The following RNF19B variants were observed in gnomAD, a reference collection of about 807,000 sequenced individuals.
RNF19B encodes the protein E3 ubiquitin-protein ligase RNF19B.
Under a neutral mutation model 65.5 loss-of-function variants are expected in RNF19B, and 23 were observed. That is an observed-to-expected ratio of 0.35 (90% CI 0.25 to 0.50). The LOEUF (loss-of-function observed/expected upper bound fraction) is 0.50, where lower values mean the gene tolerates loss of function less well. Among genes scored for constraint, RNF19B ranks in the 20% least tolerant of loss-of-function variants. The pLI is 0.98. For synonymous variants in RNF19B, 372 were observed against 379.6 expected, an observed-to-expected ratio of 0.98 and a Z score of 0.23; for missense variants, 794 against 980.0, an observed-to-expected ratio of 0.81 and a Z score of 2.53.
intron 1 of RNF19B, among the ~76,000 whole-genome samples, chr1:32,950,070 AG>A (rs1458205386): frequency 6.6e-6 from 1 of 152,106 alleles, no homozygotes; most frequent in Non-Finnish European, 1.5e-5. Flanking sequence ...CCCAGGTTCA[AG>A]CAATTCTCCT....
At chr1:32,954,963 G>A (rs1255111376) in intron 1 of RNF19B, among the ~76,000 whole-genome samples, 1 of 151,942 alleles carries the variant, frequency 6.6e-6, no homozygotes, top group Non-Finnish European at 1.5e-5. Flanking sequence ...TTCTTGCCCT[G>A]ACAAGTACCC....
intron 1 of RNF19B, among the ~76,000 whole-genome samples, chr1:32,953,630 T>C (rs994899453): frequency 6.6e-6 from 1 of 152,066 alleles, no homozygotes; most frequent in Non-Finnish European, 1.5e-5. Flanking sequence ...ATGCAAATGA[T>C]TCATATCCTG....
At chr1:32,963,552 C>T (rs1570132048) in intron 1 of RNF19B, among the ~76,000 whole-genome samples, 1 of 151,886 alleles carries the variant, frequency 6.6e-6, no homozygotes, top group African/African-American at 2.4e-5. Flanking sequence ...CCCATCTCTA[C>T]TAAAAATACA....
At chr1:32,946,055 TG>T (rs1295851061) in intron 4 of RNF19B, among the ~76,000 whole-genome samples, 1 of 152,004 alleles carries the variant, frequency 6.6e-6, no homozygotes, top group Non-Finnish European at 1.5e-5. Flanking sequence ...TGGGTACAGA[TG>T]GGTTTTGTCA....
chr1:32,945,015 T>C (rs1296480590), intron 5 of RNF19B, among the ~76,000 whole-genome samples: 2 of 152,152 alleles, frequency 1.3e-5, no homozygotes, highest in East Asian at 1.9e-4. Context: ...ATTAAAATTG[T>C]GCTTCCTTTT....
chr1:32,948,328 T>C lies in RNF19B; in HGVS notation c.877A>G (p.Ile293Val), dbSNP rs756970603. The change falls in exon 3 of 9, where the codon ATT (isoleucine) becomes GTT (valine). Residue 293 changes from isoleucine to valine, a missense_variant. Physicochemically the swap from Ile to Val is conservative, Grantham distance 29. Transcript: ENST00000235150. ...IKPCPRCSAY[I>V]IKMNDGSCNH... ...CAGCTTCCATCATTCATCTTGATAA[T>C]GTATGCACTGCATCGTGGGCATGGC... 3 of 1,613,982 alleles carry C rather than the reference T, an allele frequency of 1.9e-6. No homozygotes were observed. The highest frequency in any genetic ancestry group is 1.7e-5 in the Admixed American group (1 of 60,006).
rs1206822114 is a variant in RNF19B, at chr1:32,948,233, C to A, written c.972G>T (p.Leu324Phe). The stretch of plus-strand genomic sequence containing the variant: ...ATTTCCCATCTTACCTGAGGTAATG[C>A]AAGTCTGAGATCTCTTTCATACAAA... The part of the protein sequence containing the change: ...CWLCMKEISD[L>F]HYLSPSGCTF... The change falls in exon 3 of 9, where the codon TTG becomes TTT. Residue 324 changes from leucine to phenylalanine, a missense_variant. By Grantham distance (22) the Leu-to-Phe change is conservative. Transcript: ENST00000235150. 1.9e-6 allele frequency: 3 copies of A among 1,613,644 alleles called. No homozygotes were observed. Among genetic ancestry groups the A allele is most frequent in the African/African-American group, 2.7e-5 (2 of 74,904 alleles).
intron 4 of RNF19B, among the ~76,000 whole-genome samples, chr1:32,946,076 G>A (rs1011304040): frequency 6.6e-6 from 1 of 152,018 alleles, no homozygotes; most frequent in African/African-American, 2.4e-5. Flanking sequence ...ATGTTGCCCA[G>A]GCTGGTCTCA....
At chr1:32,956,097 G>A (rs1642632733) in intron 1 of RNF19B, among the ~76,000 whole-genome samples, 1 of 152,086 alleles carries the variant, frequency 6.6e-6, no homozygotes, top group Non-Finnish European at 1.5e-5. Context: ...CGGGCATGGT[G>A]GCTCATGCCT....
chr1:32,946,378 C>T (rs1642367674), intron 4 of RNF19B, 24 bp downstream of exon 4: 1 of 1,608,876 alleles, frequency 6.2e-7, no homozygotes, highest in Non-Finnish European at 8.5e-7. Context: ...GAAACAAGCA[C>T]AGAAACCAGC....
At chr1:32,952,453 A>AAC (rs1299546692) in intron 1 of RNF19B, among the ~76,000 whole-genome samples, 3 of 148,878 alleles carry the variant, frequency 2.0e-5, no homozygotes, top group Admixed American at 6.7e-5. Flanking sequence ...AAAAAAAAAA[A>AAC]AAAAAACAGC....
At chr1:32,960,288 C>G (rs764234534) in intron 1 of RNF19B, among the ~76,000 whole-genome samples, 1 of 152,084 alleles carries the variant, frequency 6.6e-6, no homozygotes, top group Non-Finnish European at 1.5e-5. Context: ...GCCCCCCTCA[C>G]CCTACCAAAT....
chr1:32,951,025 G>T (rs554351062), intron 1 of RNF19B, among the ~76,000 whole-genome samples: 1 of 151,800 alleles, frequency 6.6e-6, no homozygotes, highest in Non-Finnish European at 1.5e-5. Flanking sequence ...TTTTTGTAGA[G>T]ATAGGGTTTC....
chr1:32,954,201 C>T lies in RNF19B; in HGVS notation c.636-4427G>A, dbSNP rs190609651. Among the ~76,000 whole-genome samples the T allele has an allele frequency of 1.2e-3, 174 of 151,002 alleles. 1 individual carries two copies. The highest frequency in any genetic ancestry group is 9.6e-3 in the Admixed American group (145 of 15,140). ...TGCTGGGATTACAAGTGTGAGCCACCGTGCCCAGCCCACTTTTTTTTTTTT... is the reference window on the plus strand; with the variant it reads ...TGCTGGGATTACAAGTGTGAGCCACTGTGCCCAGCCCACTTTTTTTTTTTT... On this transcript the variant is annotated intron_variant, in intron 1 of 8. Transcript: ENST00000235150.
At chr1:32,947,703 C>T (rs1054949902) in intron 3 of RNF19B, among the ~76,000 whole-genome samples, 1 of 150,476 alleles carries the variant, frequency 6.6e-6, no homozygotes, top group African/African-American at 2.4e-5. Context: ...TCCTTGGGAA[C>T]TCACTAAATG....
chr1:32,964,129 T>C lies in RNF19B; in HGVS notation c.557A>G (p.His186Arg). The change falls in exon 1 of 9, where the codon CAC becomes CGC. Residue 186 changes from histidine (H) to arginine (R), a missense_variant. Physicochemically the swap from His to Arg is conservative, Grantham distance 29. Coordinates refer to ENST00000235150, the MANE Select transcript of RNF19B (RefSeq NM_001300826.2). This position sits in a 1 kb window ranked among gnomAD's most constrained non-coding sequence, Gnocchi z 6.5. The stretch of plus-strand genomic sequence containing the variant: ...GCGCAGCATGAACTCCTCGTACTTG[T>C]GCATAAGCGGCGGGTCGGCGAGCAG... The part of the protein sequence containing the change: ...RLLLADPPLM[H>R]KYEEFMLRRY... 17 of 1,543,190 alleles carry C rather than the reference T, an allele frequency of 1.1e-5. No homozygotes were observed. The highest frequency in any genetic ancestry group is 1.5e-5 in the Non-Finnish European group (17 of 1,143,914).
At chr1:32,963,142 C>T (rs1642811306) in intron 1 of RNF19B, among the ~76,000 whole-genome samples, 1 of 152,126 alleles carries the variant, frequency 6.6e-6, no homozygotes, top group South Asian at 2.1e-4. Flanking sequence ...AAGAACATAT[C>T]TGTCTACCCC....
chr1:32,942,499 C>A, intron 6 of RNF19B, 40 bp from the exon 7 acceptor site: 3 of 1,556,640 alleles, frequency 1.9e-6, no homozygotes, highest in Non-Finnish European at 2.7e-6. Flanking sequence ...GACAGCAGAG[C>A]ATCAAAACAG....
chr1:32,950,171 C>T (rs1442607466), intron 1 of RNF19B, among the ~76,000 whole-genome samples: 1 of 152,022 alleles, frequency 6.6e-6, no homozygotes, highest in African/African-American at 2.4e-5. Flanking sequence ...TGGGGTTTCA[C>T]CATGTTGGCC....
Sources: allele counts gnomAD v4.1 joint callset (sites outside exome capture counted in the v4.1 genomes callset), GRCh38; gene constraint gnomAD v4.1.1; non-coding constraint Gnocchi (gnomAD v3.1); transcripts MANE v1.5; gene names NCBI Gene and HGNC (gene_info 2026-07-23, HGNC 2026-07-21).